KLF8: variants seen among roughly 807,000 people sequenced by gnomAD.
The protein encoded by KLF8 is Krueppel-like factor 8.
Under a neutral mutation model 18.2 loss-of-function variants are expected in KLF8, and 10 were observed. That is an observed-to-expected ratio of 0.55 (90% confidence interval 0.34 to 0.93). The LOEUF (loss-of-function observed/expected upper bound fraction) is 0.93. Ranked by LOEUF, KLF8 falls within the 40% of genes least tolerant of loss-of-function variation. The pLI is 0.02. For missense variants in KLF8, 264 were observed against 277.9 expected (o/e 0.95, Z 0.36); for synonymous variants, 109 against 97.3 (o/e 1.12, Z -0.71).
the KLF8 span, among the ~76,000 whole-genome samples, chrX:55,945,423 C>T: frequency 6.3e-5 from 7 of 111,247 alleles, no homozygotes; most frequent in Non-Finnish European, 1.3e-4. Context: ...CTAATGTTGA[C>T]AGTGGGGTGT....
rs907131295 is a variant in KLF8 at position 56,232,945 on chromosome X, G to A, written c.-390G>A. 1.0e-5 allele frequency: 2 copies of A among 198,224 alleles called. No individual in the cohort carries two copies. Among genetic ancestry groups the A allele is most frequent in the African/African-American group, 2.9e-5 (1 of 34,412 alleles). 16.3% of individuals were successfully genotyped at this position (198,224 alleles called of 1,213,427 possible). ...TGGTAGAGGTAAAAGGGGAACGGAG[G>A]ACCTTAAGCTCTGGCCACTTCGGCC... is the stretch of plus-strand genomic sequence containing the variant. On this transcript the variant is annotated 5_prime_UTR_variant, in exon 1 of 6. Coordinates refer to ENST00000468660, the MANE Select transcript of KLF8 (RefSeq NM_007250.5).
At chrX:55,919,591 T>G in the KLF8 span, among the ~76,000 whole-genome samples, 1 of 110,949 alleles carries the variant, frequency 9.0e-6, no homozygotes, top group East Asian at 2.8e-4. Flanking sequence ...GGGTGAGGCC[T>G]GTGACTGCCA....
the KLF8 span, among the ~76,000 whole-genome samples, chrX:55,965,420 C>T: frequency 9.0e-6 from 1 of 111,707 alleles, no homozygotes; most frequent in Non-Finnish European, 1.9e-5. Flanking sequence ...AAACCCACAG[C>T]CAACATCATA....
At chrX:56,018,846 A>G in the KLF8 span, among the ~76,000 whole-genome samples, 9,800 of 109,933 alleles carry the variant, frequency 0.089, 1,076 homozygotes, top group African/African-American at 0.31. Flanking sequence ...GAAGAAGGAG[A>G]GGGATGTGTG....
At chrX:56,241,141 T>C (rs1284167105) in intron 1 of KLF8, among the ~76,000 whole-genome samples, 1 of 111,826 alleles carries the variant, frequency 8.9e-6, no homozygotes, top group Non-Finnish European at 1.9e-5. Context: ...CATGGGGTTT[T>C]TGTCTACTTT....
the KLF8 span, among the ~76,000 whole-genome samples, chrX:55,915,887 C>A: frequency 3.6e-5 from 4 of 111,981 alleles, no homozygotes; most frequent in African/African-American, 1.3e-4. Flanking sequence ...TTGTCAGCAA[C>A]CTAAGGTGAT....
At chrX:56,175,688 G>A in the KLF8 span, among the ~76,000 whole-genome samples, 1 of 111,294 alleles carries the variant, frequency 9.0e-6, no homozygotes, top group Non-Finnish European at 1.9e-5. Flanking sequence ...GTCAGATATT[G>A]ACAGTGGGGT....
chrX:56,262,653 AATTATT>A (rs746011852), intron 2 of KLF8, among the ~76,000 whole-genome samples: 5 of 110,214 alleles, frequency 4.5e-5, no homozygotes, highest in African/African-American at 9.9e-5. Flanking sequence ...TATTACAGTG[AATTATT>A]ATTATTATTA....
chrX:56,254,001 G>C (rs2066754362), intron 2 of KLF8, among the ~76,000 whole-genome samples: 1 of 106,447 alleles, frequency 9.4e-6, no homozygotes, highest in Non-Finnish European at 1.9e-5. Context: ...CTAACCTGAA[G>C]TGATCCACCC....
chrX:56,033,528 T>C, the KLF8 span, among the ~76,000 whole-genome samples: 1 of 112,032 alleles, frequency 8.9e-6, no homozygotes, highest in African/African-American at 3.2e-5. Context: ...TTTTGATATA[T>C]ACACAGAAGT....
At chrX:55,969,839 A>C in the KLF8 span, among the ~76,000 whole-genome samples, 1 of 111,702 alleles carries the variant, frequency 9.0e-6, no homozygotes, top group Non-Finnish European at 1.9e-5. Flanking sequence ...AAAATCTATA[A>C]AAAATTGATA....
chrX:56,208,943 G>C, the KLF8 span, among the ~76,000 whole-genome samples: 1 of 112,069 alleles, frequency 8.9e-6, no homozygotes, highest in Non-Finnish European at 1.9e-5. Context: ...TGCAGCTCTT[G>C]AATAAAATAT....
chrX:56,041,585 G>C, the KLF8 span, among the ~76,000 whole-genome samples: 2 of 108,076 alleles, frequency 1.9e-5, no homozygotes, highest in South Asian at 8.0e-4. Context: ...CTTGTCTTCT[G>C]TTAGCTTTGG....
At chrX:56,104,336 C>G in the KLF8 span, among the ~76,000 whole-genome samples, 1 of 111,277 alleles carries the variant, frequency 9.0e-6, no homozygotes, top group African/African-American at 3.3e-5. Flanking sequence ...GTGAATCCAT[C>G]TGGTCCTGGA....
chrX:55,977,287 A>G, the KLF8 span, among the ~76,000 whole-genome samples: 2 of 111,977 alleles, frequency 1.8e-5, no homozygotes, highest in African/African-American at 3.2e-5. Context: ...GTCAAGGTAC[A>G]TTCAGTCTTG....
the KLF8 span, among the ~76,000 whole-genome samples, chrX:55,945,239 C>A: frequency 9.0e-6 from 1 of 110,564 alleles, no homozygotes; most frequent in Non-Finnish European, 1.9e-5. Context: ...GTGAGGAGAG[C>A]TTTACTTCCA....
At chrX:56,253,764 C>CTTTTTTTTTTTTTTTTTTTT (rs60291877) in intron 2 of KLF8, among the ~76,000 whole-genome samples, 4 of 60,113 alleles carry the variant, frequency 6.7e-5, no homozygotes, top group Non-Finnish European at 9.0e-5. Context: ...TTTTCTTTTT[C>CTTTTTTTTTTTTTTTTTTTT]TTTTTTTTTT....
chrX:56,251,831 G>T (rs1320931639), intron 2 of KLF8, among the ~76,000 whole-genome samples: 2 of 111,026 alleles, frequency 1.8e-5, no homozygotes, highest in African/African-American at 6.6e-5. Flanking sequence ...TTTTCATACA[G>T]GCATGCAATG....
chrX:56,209,522 G>T, the KLF8 span, among the ~76,000 whole-genome samples: 1 of 111,290 alleles, frequency 9.0e-6, no homozygotes, highest in East Asian at 2.8e-4. Flanking sequence ...CCAGCTCCTC[G>T]GGAGACTGAG....
Sources: gnomAD v4.1 joint callset for allele counts (sites outside exome capture counted in the v4.1 genomes callset) on GRCh38, gnomAD v4.1.1 for gene constraint, MANE v1.5 for transcripts, NCBI Gene and HGNC (gene_info 2026-07-23, HGNC 2026-07-21) for gene names.